The following NXT2 variants were observed in gnomAD, a reference collection of about 807,000 sequenced individuals.
NXT2 encodes the protein NTF2-related export protein 2.
Under a neutral mutation model 9.6 loss-of-function variants are expected in NXT2, and 1 was observed. The observed-to-expected ratio is 0.10, with a 90% confidence interval of 0.04 to 0.49. NXT2 has a LOEUF of 0.49. Ranked by LOEUF, NXT2 falls within the 20% of genes least tolerant of loss-of-function variation. The pLI, the probability that NXT2 is intolerant of heterozygous loss-of-function variation, is 0.95. For missense variants in NXT2, 48 were observed against 100.3 expected (o/e 0.48, Z 2.23); for synonymous variants, 22 against 35.4 (o/e 0.62, Z 1.34).
rs764273328 is a variant in NXT2 at position 109,544,307 on chromosome X, G to A, written c.*1619G>A. 8.9e-6 allele frequency: 1 copy of A among 112,396 alleles called. No individual in the cohort carries two copies. Among genetic ancestry groups the A allele is most frequent in the African/African-American group, 3.2e-5 (1 of 31,002 alleles). 9.3% of individuals were successfully genotyped at this position (112,396 alleles called of 1,213,427 possible). A position where few individuals can be genotyped will look rare whatever the true frequency, so the allele number is the denominator to read the frequency against. On this transcript the variant is annotated 3_prime_UTR_variant, in exon 4 of 4. Coordinates refer to ENST00000372106, the MANE Select transcript of NXT2 (RefSeq NM_001242617.2). ...AAAATAGAGTTATGTAGAATTGTAT[G>A]GAACTCAAATTTAAACCATGCTTTC...
chrX:109,538,334 T>G (rs1933332871), intron 2 of NXT2, among the ~76,000 whole-genome samples: 1 of 112,138 alleles, frequency 8.9e-6, no homozygotes, highest in South Asian at 3.6e-4. Context: ...TACTTTTACC[T>G]AGTTCTTTGA....
chrX:109,538,167 A>G (rs1246623021), intron 2 of NXT2, 36 bp downstream of exon 2: 4 of 836,049 alleles, frequency 4.8e-6, no homozygotes, highest in East Asian at 6.4e-5. Context: ...TTTATAGACT[A>G]CTACTCTTTA....
chrX:109,538,171 C>A, intron 2 of NXT2, 40 bp downstream of exon 2: 1 of 823,464 alleles, frequency 1.2e-6, no homozygotes, highest in Non-Finnish European at 1.8e-6. Flanking sequence ...TAGACTACTA[C>A]TCTTTATTAA....
intron 1 of NXT2, 43 bp from the exon 2 acceptor site, chrX:109,538,002 T>C: frequency 5.7e-6 from 5 of 873,188 alleles, no homozygotes; most frequent in South Asian, 2.1e-5. Flanking sequence ...TTGTGAGGGG[T>C]TGAAAAGGTT....
rs1015130094 is a variant in NXT2, at chrX:109,543,743, T to A, written c.*1055T>A. On this transcript the variant is annotated 3_prime_UTR_variant, in exon 4 of 4. Coordinates refer to ENST00000372106, the MANE Select transcript of NXT2 (RefSeq NM_001242617.2). ...CTTTTAACAGGGTCTAACATGAGAG[T>A]TGGAGTCAAAGCCATTGTTATCTTT... 1.8e-5 allele frequency: 2 copies of A among 111,178 alleles called. No homozygotes were observed. Among genetic ancestry groups the A allele is most frequent in the African/African-American group, 6.5e-5 (2 of 30,610 alleles). The allele number at this position is 111,178 out of a possible 1,213,427, so 9.2% of individuals were successfully genotyped here. A position where few individuals can be genotyped will look rare whatever the true frequency, so the allele number is the denominator to read the frequency against.
chrX:109,540,355 T>C (rs1478218689), intron 2 of NXT2, among the ~76,000 whole-genome samples: 2 of 110,584 alleles, frequency 1.8e-5, no homozygotes, highest in Non-Finnish European at 1.9e-5. Flanking sequence ...TGAGATGGTG[T>C]CTCACTCTGT....
intron 2 of NXT2, among the ~76,000 whole-genome samples, chrX:109,538,532 C>T (rs937495307): frequency 9.0e-6 from 1 of 111,348 alleles, no homozygotes; most frequent in Non-Finnish European, 1.9e-5. Context: ...TGGGTCATTA[C>T]GGGGAATATT....
intron 2 of NXT2, among the ~76,000 whole-genome samples, chrX:109,539,202 C>G (rs1933358246): frequency 8.9e-6 from 1 of 112,136 alleles, no homozygotes; most frequent in African/African-American, 3.2e-5. Context: ...AGAACAGGAA[C>G]TCATCCTTTT....
intron 1 of NXT2, chrX:109,537,365 GTTC>G (rs1434865867): frequency 4.8e-6 from 4 of 838,965 alleles, no homozygotes; most frequent in African/African-American, 2.2e-5. Context: ...GCGATTCATT[GTTC>G]TTAATTTAGT....
At chrX:109,536,833 C>T, upstream of NXT2, 1 of 1,115,640 alleles carries the variant, frequency 9.0e-7, no homozygotes, top group Non-Finnish European at 1.2e-6. Context: ...CATCGGTGTG[C>T]TTTTAACGAC....
intron 3 of NXT2, 34 bp from the exon 4 acceptor site, chrX:109,542,473 G>A: frequency 1.8e-6 from 2 of 1,120,564 alleles, no homozygotes; most frequent in Non-Finnish European, 2.4e-6. Context: ...GATAGAAAAT[G>A]ATGTGTTCTC....
Position 109,542,815 on chromosome X carries a change from T to A in NXT2, c.*127T>A. On this transcript the variant is annotated 3_prime_UTR_variant, in exon 4 of 4. Transcript: ENST00000372106. ...ATTTCTTTAATATTTTCTATTCCTG[T>A]CAGCACCTTTTCTAGCAGCTGCCAG... is the stretch of plus-strand genomic sequence containing the variant. 2 of 528,531 alleles carry A rather than the reference T, an allele frequency of 3.8e-6. No homozygotes were observed. The highest frequency in any genetic ancestry group is 4.1e-5 in the Admixed American group (1 of 24,555). The allele number at this position is 528,531 out of a possible 1,213,427, so 43.6% of individuals were successfully genotyped here. A position where few individuals can be genotyped will look rare whatever the true frequency, so the allele number is the denominator to read the frequency against.
upstream of NXT2, chrX:109,536,829 T>G (rs1933283196): frequency 6.3e-6 from 7 of 1,108,970 alleles, no homozygotes; most frequent in Non-Finnish European, 8.3e-6. Context: ...GGAACATCGG[T>G]GTGCTTTTAA....
intron 2 of NXT2, among the ~76,000 whole-genome samples, chrX:109,539,414 G>C (rs917766316): frequency 4.5e-5 from 5 of 110,788 alleles, no homozygotes; most frequent in Non-Finnish European, 7.6e-5. Context: ...GGGTCAAATG[G>C]TATTTCTGGT....
chrX:109,535,842 C>T (rs777141261), upstream of NXT2: 1 of 1,038,577 alleles, frequency 9.6e-7, no homozygotes, highest in African/African-American at 1.9e-5. Context: ...TTAGTCCTAC[C>T]TTGAAGAGAA....
upstream of NXT2, chrX:109,536,516 C>T: frequency 7.7e-6 from 1 of 129,666 alleles, no homozygotes; most frequent in Non-Finnish European, 1.6e-5. Flanking sequence ...ACTAGTCACG[C>T]ACGCCTTTCC....
At chrX:109,541,407 C>A in intron 2 of NXT2, 68 bp from the exon 3 acceptor site, 2 of 964,874 alleles carry the variant, frequency 2.1e-6, no homozygotes, top group Non-Finnish European at 2.8e-6. Flanking sequence ...ATATTTTAAT[C>A]CATTTCTATA....
In NXT2 at chrX:109,542,884, A is replaced by G. The variant is rs759525078; in HGVS notation, c.*196A>G. Reference sequence around the variant, plus strand: ...AAGAGCTTTAAAACTATTTTTTTACATGCCTTATATACATTCCACTAATGA... The same window carrying G: ...AAGAGCTTTAAAACTATTTTTTTACGTGCCTTATATACATTCCACTAATGA... On this transcript the variant is annotated 3_prime_UTR_variant, in exon 4 of 4. Coordinates refer to ENST00000372106, the MANE Select transcript of NXT2 (RefSeq NM_001242617.2). The G allele has an allele frequency of 3.4e-5, 11 of 326,945 alleles. No homozygotes were observed. The highest frequency in any genetic ancestry group is 5.3e-5 in the Non-Finnish European group (10 of 189,454). The allele number at this position is 326,945 out of a possible 1,213,427, so 26.9% of individuals were successfully genotyped here. A position where few individuals can be genotyped will look rare whatever the true frequency, so the allele number is the denominator to read the frequency against.
At chrX:109,541,318 C>T (rs1270212993) in intron 2 of NXT2, among the ~76,000 whole-genome samples, 157 bp from the exon 3 acceptor site, 2 of 112,194 alleles carry the variant, frequency 1.8e-5, no homozygotes, top group African/African-American at 6.5e-5. Context: ...GTTTTGTTCA[C>T]ATGGGTTTCC....
Sources: gnomAD v4.1 joint callset for allele counts (sites outside exome capture counted in the v4.1 genomes callset) on GRCh38, gnomAD v4.1.1 for gene constraint, MANE v1.5 for transcripts, NCBI Gene and HGNC (gene_info 2026-07-23, HGNC 2026-07-21) for gene names.